DMD: variants seen among roughly 807,000 people sequenced by gnomAD.
The protein encoded by DMD is dystrophin, also known as mutant dystrophin.
A neutral mutation model predicts 330.1 loss-of-function variants in DMD; 63 were observed. The observed-to-expected ratio is 0.19, with a 90% CI of 0.16 to 0.24. The LOEUF (loss-of-function observed/expected upper bound fraction) is 0.24. Ranked by LOEUF, DMD falls within the 10% of genes least tolerant of loss-of-function variation. The probability of loss-of-function intolerance (pLI) is 1.00; values close to 1 mark genes in which losing one functional copy is unlikely to be tolerated. For synonymous variants in DMD, 1,223 were observed against 959.8 expected (o/e 1.27, Z -5.07); for missense variants, 3,344 against 2,684.1 (o/e 1.25, Z -5.43).
At chrX:32,948,806 A>C (rs768200005) in intron 2 of DMD, among the ~76,000 whole-genome samples, 21 of 112,026 alleles carry the variant, frequency 1.9e-4, no homozygotes, top group Non-Finnish European at 3.8e-4. Flanking sequence ...AAACACTGTT[A>C]AGCAGAGCAA....
At chrX:32,483,624 T>C (rs919136406) in intron 21 of DMD, among the ~76,000 whole-genome samples, 3 of 108,881 alleles carry the variant, frequency 2.8e-5, no homozygotes, top group African/African-American at 1.0e-4. Flanking sequence ...ATGTATGTAA[T>C]GACAAGTGAA....
In DMD at chrX:32,424,977, C is replaced by T. The variant is rs572865814; in HGVS notation, c.4072-13064G>A. On this transcript the variant is annotated intron_variant, in intron 29 of 78. Coordinates refer to ENST00000357033, the MANE Select transcript of DMD (RefSeq NM_004006.3). Reference sequence around the variant, plus strand: ...GATAACGCAAAGAAAAATCCCTTCGCTTTTGATTTTCTATGCGGCTGTATG... The same window carrying T: ...GATAACGCAAAGAAAAATCCCTTCGTTTTTGATTTTCTATGCGGCTGTATG... Among the ~76,000 whole-genome samples the T allele has an allele frequency of 7.2e-5, 8 of 111,199 alleles. No homozygotes were observed. In the South Asian group the frequency reaches 3.0e-3, roughly 41 times the overall value.
intron 44 of DMD, among the ~76,000 whole-genome samples, chrX:32,210,257 T>G (rs993624700): frequency 2.7e-5 from 3 of 112,283 alleles, no homozygotes; most frequent in Non-Finnish European, 5.6e-5. Context: ...GATTCCCTTA[T>G]GCTAGTGTAT....
intron 44 of DMD, among the ~76,000 whole-genome samples, chrX:32,074,644 ATAC>A (rs1268130545): frequency 8.9e-6 from 1 of 112,257 alleles, no homozygotes; most frequent in Non-Finnish European, 1.9e-5. Context: ...GTCTGCTTTC[ATAC>A]TACAACAGCG....
At chrX:33,077,708 T>C (rs1417512315) in intron 1 of DMD, among the ~76,000 whole-genome samples, 1 of 112,220 alleles carries the variant, frequency 8.9e-6, no homozygotes, top group East Asian at 2.8e-4. Flanking sequence ...AGTCCTAGGA[T>C]GAGAAGTACA....
At chrX:32,224,734 T>A (rs1315189919) in intron 43 of DMD, among the ~76,000 whole-genome samples, 1 of 111,529 alleles carries the variant, frequency 9.0e-6, no homozygotes, top group Non-Finnish European at 1.9e-5. Flanking sequence ...ATTTTATTGA[T>A]CCCTAATCCT....
chrX:32,464,734 T>C lies in DMD; in HGVS notation c.3163-35A>G, dbSNP rs1414914263. The C allele has an allele frequency of 3.1e-6, 3 of 967,921 alleles. No individual in the cohort carries two copies. The African/African-American group carries it at 5.7e-5, about 18-fold the overall frequency. 79.8% of individuals were successfully genotyped at this position (967,921 alleles called of 1,213,427 possible). A position where few individuals can be genotyped will look rare whatever the true frequency, so the allele number is the denominator to read the frequency against. ...GACCCGTTATAAGGCATTACTGGTGTGCTGATTACTTTTAACACAATTCAT... is the reference window on the plus strand; with the variant it reads ...GACCCGTTATAAGGCATTACTGGTGCGCTGATTACTTTTAACACAATTCAT... On this transcript the variant is annotated intron_variant, in intron 23 of 78. Transcript: ENST00000357033.
intron 41 of DMD, among the ~76,000 whole-genome samples, chrX:32,339,278 G>A (rs756194563): frequency 2.2e-4 from 25 of 111,947 alleles, no homozygotes; most frequent in Admixed American, 1.8e-3. Context: ...TGCTGTGATA[G>A]TACATCCTAT....
At chrX:32,832,036 T>A (rs1435788136) in intron 4 of DMD, among the ~76,000 whole-genome samples, 1 of 111,102 alleles carries the variant, frequency 9.0e-6, no homozygotes, top group Non-Finnish European at 1.9e-5. Flanking sequence ...AGGTCGTTTC[T>A]CACATTTGTT....
chrX:32,857,609 T>A (rs1404454797), intron 2 of DMD, among the ~76,000 whole-genome samples: 2 of 112,076 alleles, frequency 1.8e-5, no homozygotes, highest in Non-Finnish European at 3.8e-5. Flanking sequence ...GAGATACTTG[T>A]TTTTATGAAA....
At chrX:31,138,671 GA>G (rs2035616876) in intron 76 of DMD, among the ~76,000 whole-genome samples, 3 of 66,455 alleles carry the variant, frequency 4.5e-5, no homozygotes, top group African/African-American at 1.8e-4. Context: ...GAGAGAGAGA[GA>G]GAGAGAGAGA....
chrX:32,554,925 GAAAGAA>G (rs1477790417), intron 16 of DMD, among the ~76,000 whole-genome samples: 1 of 18,738 alleles, frequency 5.3e-5, no homozygotes, highest in African/African-American at 3.0e-4. Context: ...AAGAAAGAAA[GAAAGAA>G]AGAAAGAAAG....
chrX:31,495,828 C>T (rs2069788218), intron 57 of DMD, among the ~76,000 whole-genome samples: 1 of 111,291 alleles, frequency 9.0e-6, no homozygotes, highest in Non-Finnish European at 1.9e-5. Context: ...CATTATATAC[C>T]ACCTCCTGAT....
At chrX:32,465,688 C>A (rs2098400375) in intron 23 of DMD, among the ~76,000 whole-genome samples, 1 of 106,901 alleles carries the variant, frequency 9.4e-6, no homozygotes, top group Admixed American at 1.0e-4. Flanking sequence ...CAGGTTCACG[C>A]CATTCTCCTG....
chrX:32,764,878 A>G (rs1209293052), intron 7 of DMD, among the ~76,000 whole-genome samples: 1 of 110,250 alleles, frequency 9.1e-6, no homozygotes, highest in Non-Finnish European at 1.9e-5. Context: ...TTCCACAGTG[A>G]CTGCAAGGTT....
intron 60 of DMD, among the ~76,000 whole-genome samples, chrX:31,414,373 C>T (rs370231796): frequency 2.0e-4 from 22 of 111,719 alleles, no homozygotes; most frequent in East Asian, 1.7e-3. Flanking sequence ...TTAAAAAGCT[C>T]GAAACATATG....
At chrX:32,696,213 A>G (rs2063644247) in intron 9 of DMD, among the ~76,000 whole-genome samples, 1 of 111,907 alleles carries the variant, frequency 8.9e-6, no homozygotes, top group African/African-American at 3.3e-5. Flanking sequence ...TAGAGCAGGT[A>G]CAGCCTGTAG....
intron 11 of DMD, among the ~76,000 whole-genome samples, chrX:32,633,427 T>C (rs778840178): frequency 1.6e-4 from 18 of 112,167 alleles, no homozygotes; most frequent in Non-Finnish European, 2.8e-4. Flanking sequence ...GTATCAGCAC[T>C]TTGGTAACAA....
intron 33 of DMD, among the ~76,000 whole-genome samples, chrX:32,384,574 ACTAT>A (rs1210317105): frequency 4.5e-5 from 5 of 111,122 alleles, no homozygotes; most frequent in African/African-American, 1.3e-4. Context: ...TAAAAACAAG[ACTAT>A]CTAAGAAAAA....
Sources: gnomAD v4.1 joint callset for allele counts (sites outside exome capture counted in the v4.1 genomes callset) on GRCh38, gnomAD v4.1.1 for gene constraint, MANE v1.5 for transcripts, NCBI Gene and HGNC (gene_info 2026-07-23, HGNC 2026-07-21) for gene names.